The following TSHZ2 variants were observed in gnomAD, a reference collection of about 807,000 sequenced individuals.
TSHZ2 encodes teashirt zinc finger homeobox 2, also known as teashirt homolog 2.
In TSHZ2, 21 loss-of-function variants were observed where a neutral mutation model predicts 74.4. The observed-to-expected ratio is 0.28, with a 90% CI of 0.20 to 0.41. The LOEUF (loss-of-function observed/expected upper bound fraction) is 0.41, where lower values mean the gene tolerates loss of function less well. TSHZ2 is among the 10% of genes least tolerant of loss of function. The probability of loss-of-function intolerance (pLI) is 1.00; values close to 1 mark genes in which losing one functional copy is unlikely to be tolerated. For synonymous variants in TSHZ2, 540 were observed against 515.3 expected (o/e 1.05, Z -0.65); for missense variants, 1,244 against 1,293.5 (o/e 0.96, Z 0.59).
chr20:53,230,417 C>T (rs1234025285), intron 1 of TSHZ2, among the ~76,000 whole-genome samples: 1 of 152,088 alleles, frequency 6.6e-6, no homozygotes, highest in Non-Finnish European at 1.5e-5. Flanking sequence ...ACAAAGCAGC[C>T]ACCAGGTGGT....
intron 1 of TSHZ2, among the ~76,000 whole-genome samples, chr20:53,050,594 G>T (rs965500598): frequency 1.3e-5 from 2 of 152,220 alleles, no homozygotes; most frequent in East Asian, 1.9e-4. Flanking sequence ...CAGCAGAGAC[G>T]TGTCATAGGA....
intron 1 of TSHZ2, chr20:53,098,022 CTA>C (rs1986104914): frequency 6.6e-6 from 1 of 152,160 alleles, no homozygotes; most frequent in Non-Finnish European, 1.5e-5. Context: ...TTTAGTTTTC[CTA>C]TGTTTGCCTG....
intron 2 of TSHZ2, among the ~76,000 whole-genome samples, chr20:53,429,981 G>A (rs1983783450): frequency 6.6e-6 from 1 of 152,118 alleles, no homozygotes; most frequent in South Asian, 2.1e-4. Context: ...CAGGCCAGGT[G>A]GGACAGCTAA....
rs558115395 is a variant in TSHZ2 at position 53,074,980 on chromosome 20, G to A, written c.40+101647G>A. Among the ~76,000 whole-genome samples the A allele has an allele frequency of 5.9e-5, 9 of 152,080 alleles. No individual in the cohort carries two copies. The highest frequency in any genetic ancestry group is 1.0e-4 in the Non-Finnish European group (7 of 68,026). On this transcript the variant is annotated intron_variant, in intron 1 of 2. Transcript: ENST00000371497. The surrounding 1 kb of genome is among the most constrained non-coding windows in gnomAD (Gnocchi z 5.9). ...CAGATGTTTTATGTCCTCTTTTGTC[G>A]CTGACGTTTCCTCCATGTGGAAAGC...
intron 2 of TSHZ2, among the ~76,000 whole-genome samples, chr20:53,266,772 ATTTTTTTT>A (rs11344692): frequency 1.0e-5 from 1 of 98,758 alleles, no homozygotes; most frequent in Non-Finnish European, 1.9e-5. Flanking sequence ...CCGATCGACG[ATTTTTTTT>A]TTTTTTTTTT....
intron 1 of TSHZ2, among the ~76,000 whole-genome samples, chr20:53,078,017 T>C (rs1410707714): frequency 6.6e-6 from 1 of 152,248 alleles, no homozygotes; most frequent in Non-Finnish European, 1.5e-5. Context: ...GAATGTCAAC[T>C]TCTCCAATTT....
intron 2 of TSHZ2, among the ~76,000 whole-genome samples, chr20:53,377,045 G>A (rs1212507664): frequency 6.6e-6 from 1 of 152,182 alleles, no homozygotes; most frequent in African/African-American, 2.4e-5. Context: ...CAGAATCGTG[G>A]TGTACTTCAC....
At chr20:53,265,865 A>C (rs902731433) in intron 2 of TSHZ2, among the ~76,000 whole-genome samples, 3 of 152,230 alleles carry the variant, frequency 2.0e-5, no homozygotes, top group African/African-American at 7.2e-5. Context: ...GCAATCTAAG[A>C]GAAATGTGTT....
At chr20:53,257,026 T>C (rs1990497357) in intron 2 of TSHZ2, among the ~76,000 whole-genome samples, 1 of 152,260 alleles carries the variant, frequency 6.6e-6, no homozygotes, top group Non-Finnish European at 1.5e-5. Context: ...GTGCTAGAAG[T>C]AGTTACTATA....
At position 53,030,631 on chromosome 20, in the gene TSHZ2, A is replaced by G. The variant is rs530667479; in HGVS notation, c.40+57298A>G. Among the ~76,000 whole-genome samples the G allele has an allele frequency of 1.1e-4, 16 of 152,318 alleles. No individual in the cohort carries two copies. In the East Asian group the frequency reaches 3.1e-3, roughly 29 times the overall value. ...TACAGTATGTGAAGTTTCTGAAGTC[A>G]ATGGCCATTGTGTCTCTGAAATAAA... On this transcript the variant is annotated intron_variant, in intron 1 of 2. Transcript: ENST00000371497.
intron 1 of TSHZ2, among the ~76,000 whole-genome samples, chr20:53,123,452 A>G (rs1392370316): frequency 3.9e-5 from 6 of 152,184 alleles, no homozygotes; most frequent in Non-Finnish European, 5.9e-5. Context: ...CTGATCTAGG[A>G]CAGCCTCAAC....
At chr20:53,349,632 A>G (rs1193796062) in intron 2 of TSHZ2, among the ~76,000 whole-genome samples, 1 of 142,464 alleles carries the variant, frequency 7.0e-6, no homozygotes, top group Non-Finnish European at 1.5e-5. Flanking sequence ...AGCCTGGGTG[A>G]CAGAGTGAGA....
chr20:53,361,026 C>G (rs986462288), intron 2 of TSHZ2, among the ~76,000 whole-genome samples: 2 of 152,184 alleles, frequency 1.3e-5, no homozygotes, highest in Non-Finnish European at 2.9e-5. Context: ...AAAATCCACA[C>G]GTGCTGAATT....
chr20:53,064,194 T>A (rs144218045), intron 1 of TSHZ2, among the ~76,000 whole-genome samples: 8 of 152,292 alleles, frequency 5.3e-5, no homozygotes, highest in African/African-American at 1.9e-4. Context: ...GGGATCCGAA[T>A]GGGGAAAAGA....
chr20:53,238,157 TA>T (rs1483897644), intron 1 of TSHZ2, among the ~76,000 whole-genome samples: 4 of 152,330 alleles, frequency 2.6e-5, no homozygotes, highest in African/African-American at 7.2e-5. Flanking sequence ...GAGCTTAGTT[TA>T]CTCAAACATG....
intron 2 of TSHZ2, among the ~76,000 whole-genome samples, chr20:53,370,337 G>A (rs1048164116): frequency 1.8e-4 from 28 of 152,176 alleles, no homozygotes; most frequent in Admixed American, 1.4e-3. Context: ...AGGGAGAGCA[G>A]CCCTGCTCAG....
chr20:53,453,267 G>A (rs927405416), intron 2 of TSHZ2, among the ~76,000 whole-genome samples: 3 of 152,204 alleles, frequency 2.0e-5, no homozygotes, highest in Admixed American at 2.0e-4. Context: ...CTTCCAGGGA[G>A]GGCAGATGGC....
chr20:53,453,270 C>T (rs1984880821), intron 2 of TSHZ2, among the ~76,000 whole-genome samples: 1 of 152,202 alleles, frequency 6.6e-6, no homozygotes, highest in Admixed American at 6.5e-5. Flanking sequence ...CCAGGGAGGG[C>T]AGATGGCGGC....
At chr20:53,363,141 C>G (rs1226474949) in intron 2 of TSHZ2, among the ~76,000 whole-genome samples, 1 of 152,232 alleles carries the variant, frequency 6.6e-6, no homozygotes, top group African/African-American at 2.4e-5. Context: ...CCGGAGGTCC[C>G]CAGTGGGAAT....
Sources: gnomAD v4.1 joint callset for allele counts (sites outside exome capture counted in the v4.1 genomes callset) on GRCh38, gnomAD v4.1.1 for gene constraint, Gnocchi (gnomAD v3.1) non-coding constraint, MANE v1.5 for transcripts, NCBI Gene and HGNC (gene_info 2026-07-23, HGNC 2026-07-21) for gene names.